PLEKHG7: variants seen among roughly 807,000 people sequenced by gnomAD.
PLEKHG7 encodes the protein pleckstrin homology domain-containing family G member 7.
In PLEKHG7, 77 loss-of-function variants were observed where a neutral mutation model predicts 85.2. The ratio of observed to expected loss-of-function variants is 0.90; its 90% CI spans 0.75 to 1.09. The LOEUF is 1.09. Ranked by LOEUF, PLEKHG7 falls within the 50% of genes least tolerant of loss-of-function variation. The pLI is 0.00. For synonymous variants in PLEKHG7, 301 were observed against 302.4 expected (o/e 1.00, Z 0.05); for missense variants, 777 against 804.3 (o/e 0.97, Z 0.41).
At chr12:92,745,360 C>CACGGT (rs1872503203) in intron 9 of PLEKHG7, 118 bp from the exon 10 acceptor site, 1 of 654,650 alleles carries the variant, frequency 1.5e-6, no homozygotes, top group African/African-American at 2.0e-5. Context: ...TTGATCATGG[C>CACGGT]GACTCCTCCA....
chr12:92,755,007 C>T (rs1327258564), intron 11 of PLEKHG7, among the ~76,000 whole-genome samples: 1 of 151,512 alleles, frequency 6.6e-6, no homozygotes, highest in Non-Finnish European at 1.5e-5. Context: ...ATTTTTTATT[C>T]AAATTCTAAA....
intron 3 of PLEKHG7, among the ~76,000 whole-genome samples, chr12:92,719,985 C>T (rs922307963): frequency 3.3e-5 from 5 of 152,164 alleles, no homozygotes; most frequent in South Asian, 2.1e-4. Flanking sequence ...CCCGGGGAAG[C>T]GACAGGCCAA....
chr12:92,743,777 C>T (rs1055352141), intron 9 of PLEKHG7, among the ~76,000 whole-genome samples: 4 of 152,128 alleles, frequency 2.6e-5, no homozygotes, highest in African/African-American at 9.7e-5. Flanking sequence ...CCAGGCTGCT[C>T]TCGAACTCCT....
intron 3 of PLEKHG7, among the ~76,000 whole-genome samples, chr12:92,723,817 T>G (rs1336723412): frequency 1.3e-5 from 2 of 152,104 alleles, no homozygotes; most frequent in Non-Finnish European, 2.9e-5. Flanking sequence ...TTGGGGAAGA[T>G]GAATCCTTCC....
At chr12:92,705,813 G>A (rs1027185060) in intron 1 of PLEKHG7, among the ~76,000 whole-genome samples, 4 of 152,270 alleles carry the variant, frequency 2.6e-5, no homozygotes. Context: ...GAAATGGAAG[G>A]GTCAGCTTTT....
At chr12:92,747,492 AC>A in intron 10 of PLEKHG7, among the ~76,000 whole-genome samples, 1 of 152,354 alleles carries the variant, frequency 6.6e-6, no homozygotes, top group East Asian at 1.9e-4. Context: ...GTTATAGTAA[AC>A]AAAATGGAGG....
chr12:92,742,630 G>T (rs1872398486), intron 9 of PLEKHG7, among the ~76,000 whole-genome samples: 1 of 148,254 alleles, frequency 6.7e-6, no homozygotes, highest in African/African-American at 2.5e-5. Context: ...CTGTTGCCCA[G>T]GTTGGAGTGC....
intron 7 of PLEKHG7, among the ~76,000 whole-genome samples, chr12:92,738,259 C>G (rs776155310): frequency 3.3e-5 from 5 of 152,128 alleles, no homozygotes; most frequent in Non-Finnish European, 5.9e-5. Flanking sequence ...TCTAGAAGAA[C>G]AATAGAGCAA....
At chr12:92,725,027 C>T (rs939915770) in intron 3 of PLEKHG7, among the ~76,000 whole-genome samples, 2 of 151,758 alleles carry the variant, frequency 1.3e-5, no homozygotes, top group African/African-American at 4.8e-5. Flanking sequence ...AAACAGATTA[C>T]AAAACCCCAG....
chr12:92,741,311 A>G (rs1285255994), intron 8 of PLEKHG7, among the ~76,000 whole-genome samples, 180 bp from the exon 9 acceptor site: 1 of 152,240 alleles, frequency 6.6e-6, no homozygotes, highest in Non-Finnish European at 1.5e-5. Flanking sequence ...GAATTTATTT[A>G]TAAGAAATAC....
At chr12:92,704,294 T>C (rs772873704) in intron 1 of PLEKHG7, among the ~76,000 whole-genome samples, 4 of 151,974 alleles carry the variant, frequency 2.6e-5, no homozygotes, top group Admixed American at 1.3e-4. Flanking sequence ...AAAGTACCTA[T>C]AGATTTGATG....
At chr12:92,719,865 T>C (rs1003626422) in intron 3 of PLEKHG7, among the ~76,000 whole-genome samples, 1 of 152,198 alleles carries the variant, frequency 6.6e-6, no homozygotes, top group Non-Finnish European at 1.5e-5. Context: ...CCTCACCCAC[T>C]GGCCACAGAA....
chr12:92,734,370 C>T (rs963871285), intron 5 of PLEKHG7, among the ~76,000 whole-genome samples: 3 of 152,116 alleles, frequency 2.0e-5, no homozygotes. Context: ...ACCTCTATAA[C>T]GTTTAGCACA....
chr12:92,739,174 A>G (rs750871402), intron 7 of PLEKHG7, among the ~76,000 whole-genome samples: 2 of 151,770 alleles, frequency 1.3e-5, no homozygotes, highest in African/African-American at 2.4e-5. Flanking sequence ...TAATGGCCAG[A>G]GAGAGAGAGA....
intron 14 of PLEKHG7, among the ~76,000 whole-genome samples, chr12:92,762,756 C>T (rs537179848): frequency 3.3e-5 from 5 of 152,218 alleles, no homozygotes; most frequent in African/African-American, 9.6e-5. Flanking sequence ...AATGACTAGC[C>T]TTACATAGAT....
rs763248231 is a variant in PLEKHG7, at chr12:92,745,562, CAG to C, written c.1228_1229del (p.Asp410Ter). 1.2e-6 allele frequency: 2 copies of C among 1,613,486 alleles called. No homozygotes were observed. The highest frequency in any genetic ancestry group is 2.2e-5 in the South Asian group (2 of 91,042). ...AAIFYLESLR[Q>X]RDDFGIYLKW... is the part of the protein sequence containing the mutation. ...TATCTTTTATCTTGAGAGCCTGAGG[CAG>C]AGAGATGACTTTGGAATTTATTTAA... On this transcript the variant is annotated frameshift_variant, in exon 10 of 17. Transcript: ENST00000344636. LOFTEE classifies it high-confidence loss of function.
chr12:92,714,081 C>G (rs1286325802), intron 3 of PLEKHG7, among the ~76,000 whole-genome samples: 2 of 152,228 alleles, frequency 1.3e-5, no homozygotes, highest in East Asian at 3.8e-4. Flanking sequence ...ACACTCTCAA[C>G]CTTACCTCTA....
chr12:92,715,346 G>T (rs570118835), intron 3 of PLEKHG7, among the ~76,000 whole-genome samples: 12 of 152,212 alleles, frequency 7.9e-5, no homozygotes, highest in African/African-American at 2.9e-4. Flanking sequence ...CCCACTGACT[G>T]ATATGTTAAT....
At chr12:92,759,112 A>C (rs1196730348) in intron 13 of PLEKHG7, among the ~76,000 whole-genome samples, 1 of 152,198 alleles carries the variant, frequency 6.6e-6, no homozygotes, top group East Asian at 1.9e-4. Context: ...CAGCCTTAAA[A>C]ACTGTACTCT....
Sources: allele counts gnomAD v4.1 joint callset (sites outside exome capture counted in the v4.1 genomes callset), GRCh38; gene constraint gnomAD v4.1.1; transcripts MANE v1.5; gene names NCBI Gene and HGNC (gene_info 2026-07-23, HGNC 2026-07-21).